The following NAALADL2 variants were observed in gnomAD, a reference collection of about 807,000 sequenced individuals.
The protein encoded by NAALADL2 is N-acetylated alpha-linked acidic dipeptidase like 2, also known as inactive N-acetylated-alpha-linked acidic dipeptidase-like protein 2.
Under a neutral mutation model 87.2 loss-of-function variants are expected in NAALADL2, and 76 were observed. The observed-to-expected ratio is 0.87, with a 90% confidence interval of 0.72 to 1.05. The LOEUF (loss-of-function observed/expected upper bound fraction) is 1.05, where lower values mean the gene tolerates loss of function less well. Among genes scored for constraint, NAALADL2 ranks in the 50% least tolerant of loss-of-function variants. The pLI, the probability that NAALADL2 is intolerant of heterozygous loss-of-function variation, is 0.00. For missense variants in NAALADL2, 1,089 were observed against 945.8 expected (o/e 1.15, Z -1.99); for synonymous variants, 354 against 331.0 (o/e 1.07, Z -0.75).
chr3:175,740,001 T>C (rs1025423800), intron 12 of NAALADL2, among the ~76,000 whole-genome samples: 1 of 151,994 alleles, frequency 6.6e-6, no homozygotes, highest in Admixed American at 6.6e-5. Context: ...TCATCCTAGA[T>C]GAAATTACTA....
intron 1 of NAALADL2, among the ~76,000 whole-genome samples, chr3:174,544,280 A>G (rs1177675004): frequency 9.9e-5 from 15 of 151,976 alleles, no homozygotes; most frequent in Admixed American, 9.8e-4. Flanking sequence ...AATCTCAAAT[A>G]TTTTTCCTTC....
At chr3:174,908,783 A>T (rs577430819) in intron 1 of NAALADL2, among the ~76,000 whole-genome samples, 1 of 152,164 alleles carries the variant, frequency 6.6e-6, no homozygotes, top group African/African-American at 2.4e-5. Flanking sequence ...AGAATTAAAA[A>T]TTGATGTTTG....
chr3:175,646,259 A>C (rs1004101332), intron 11 of NAALADL2, among the ~76,000 whole-genome samples: 3 of 152,136 alleles, frequency 2.0e-5, no homozygotes, highest in African/African-American at 7.2e-5. Flanking sequence ...TTTAAAAGTG[A>C]CATTTTACTT....
chr3:175,336,854 C>A (rs1762032896), intron 5 of NAALADL2, among the ~76,000 whole-genome samples: 1 of 152,068 alleles, frequency 6.6e-6, no homozygotes. Flanking sequence ...TCTAACCAGT[C>A]CCTTGGGTGA....
At chr3:175,146,893 A>T (rs1730828989) in intron 2 of NAALADL2, among the ~76,000 whole-genome samples, 1 of 152,108 alleles carries the variant, frequency 6.6e-6, no homozygotes, top group Non-Finnish European at 1.5e-5. Flanking sequence ...TTCTCCCAAG[A>T]TCTGAAGTGG....
At chr3:174,934,852 G>GTCTCACTTTTCC (rs1461632175) in intron 1 of NAALADL2, among the ~76,000 whole-genome samples, 2 of 151,776 alleles carry the variant, frequency 1.3e-5, no homozygotes, top group African/African-American at 4.8e-5. Context: ...GGAATTATAG[G>GTCTCACTTTTCC]ATACGTTCAA....
chr3:174,851,630 C>A (rs1031615952), intron 3 of NAALADL2, among the ~76,000 whole-genome samples: 2 of 151,866 alleles, frequency 1.3e-5, no homozygotes, highest in African/African-American at 2.4e-5. Flanking sequence ...AATAAAAAGC[C>A]TCCTATCAAA....
chr3:175,152,630 G>A (rs1285723122), intron 2 of NAALADL2, among the ~76,000 whole-genome samples: 2 of 152,182 alleles, frequency 1.3e-5, no homozygotes, highest in Admixed American at 6.5e-5. Flanking sequence ...TATTGTCTAG[G>A]AGCAGTGGCT....
At chr3:174,720,114 A>G (rs1731568082) in intron 2 of NAALADL2, among the ~76,000 whole-genome samples, 1 of 152,124 alleles carries the variant, frequency 6.6e-6, no homozygotes, top group African/African-American at 2.4e-5. Context: ...CAGTAATCTT[A>G]TTAAAAATAT....
chr3:175,100,273 T>C (rs899678552), intron 2 of NAALADL2, among the ~76,000 whole-genome samples: 2 of 151,702 alleles, frequency 1.3e-5, no homozygotes, highest in African/African-American at 4.8e-5. Flanking sequence ...TGATTATCCA[T>C]TTTTGGCTTA....
chr3:174,505,902 A>G (rs952417290), intron 1 of NAALADL2, among the ~76,000 whole-genome samples: 6 of 152,190 alleles, frequency 3.9e-5, no homozygotes, highest in Non-Finnish European at 8.8e-5. Context: ...AACTACAAAG[A>G]GGAAAATGAA....
At chr3:174,995,557 C>G (rs565778104) in intron 1 of NAALADL2, among the ~76,000 whole-genome samples, 3 of 152,100 alleles carry the variant, frequency 2.0e-5, no homozygotes, top group Non-Finnish European at 4.4e-5. Context: ...AGACCCCATA[C>G]TTTCATCACA....
intron 1 of NAALADL2, among the ~76,000 whole-genome samples, chr3:174,866,973 C>A (rs1208021422): frequency 1.3e-5 from 2 of 151,358 alleles, no homozygotes; most frequent in Non-Finnish European, 3.0e-5. Flanking sequence ...ATAATATTGT[C>A]TATATTTCTA....
chr3:175,767,642 A>G (rs769677324), intron 13 of NAALADL2: 1 of 152,196 alleles, frequency 6.6e-6, no homozygotes, highest in Non-Finnish European at 1.5e-5. Flanking sequence ...ATGACAATTC[A>G]TGAAGTGTTC....
chr3:175,343,653 A>ATTTTTTTTTTTTTTTTTTT (rs1581504166), intron 5 of NAALADL2, among the ~76,000 whole-genome samples: 2 of 52,286 alleles, frequency 3.8e-5, no homozygotes, highest in South Asian at 7.0e-4. Flanking sequence ...TGTCTTGATC[A>ATTTTTTTTTTTTTTTTTTT]TGTTTTTTTT....
chr3:175,536,778 G>A (rs769318177), intron 9 of NAALADL2, among the ~76,000 whole-genome samples: 12 of 152,134 alleles, frequency 7.9e-5, no homozygotes, highest in African/African-American at 2.9e-4. Flanking sequence ...CTCTCAAAGT[G>A]CTGGGATTAC....
intron 2 of NAALADL2, among the ~76,000 whole-genome samples, chr3:175,109,966 A>G (rs1042047243): frequency 6.6e-6 from 1 of 151,836 alleles, no homozygotes; most frequent in Non-Finnish European, 1.5e-5. Context: ...CCAAACAAGC[A>G]TCACTGCTCC....
At chr3:174,987,222 G>A (rs541700362) in intron 1 of NAALADL2, among the ~76,000 whole-genome samples, 68 of 152,220 alleles carry the variant, frequency 4.5e-4, no homozygotes, top group African/African-American at 1.5e-3. Context: ...AAAAACGAGT[G>A]TAAATCTGCA....
At chr3:175,747,666 G>A (rs1487336648) in intron 12 of NAALADL2, among the ~76,000 whole-genome samples, 1 of 150,950 alleles carries the variant, frequency 6.6e-6, no homozygotes, top group Non-Finnish European at 1.5e-5. Flanking sequence ...CAGTTTCCTG[G>A]TTTAGCCAAT....
Sources: gnomAD v4.1 joint callset for allele counts (sites outside exome capture counted in the v4.1 genomes callset) on GRCh38, gnomAD v4.1.1 for gene constraint, MANE v1.5 for transcripts, NCBI Gene and HGNC (gene_info 2026-07-23, HGNC 2026-07-21) for gene names.